Variants in BAZ1A observed in about 807,000 individuals in gnomAD.
The protein encoded by BAZ1A is bromodomain adjacent to zinc finger domain 1A, also known as bromodomain adjacent to zinc finger domain protein 1A.
A neutral mutation model predicts 185.2 loss-of-function variants in BAZ1A; 50 were observed. The ratio of observed to expected loss-of-function variants is 0.27; its 90% CI spans 0.22 to 0.34. The LOEUF is 0.34. Among genes scored for constraint, BAZ1A ranks in the 10% least tolerant of loss-of-function variants. BAZ1A has a pLI of 1.00. For synonymous variants in BAZ1A, 571 were observed against 615.6 expected (o/e 0.93, Z 1.07); for missense variants, 1,356 against 1,839.9 (o/e 0.74, Z 4.81).
At chr14:34,816,899 A>G (rs1241009183) in intron 4 of BAZ1A, 6 of 407,586 alleles carry the variant, frequency 1.5e-5, no homozygotes, top group Non-Finnish European at 2.9e-5. Flanking sequence ...ACCAAATAGT[A>G]AGGATATTTA....
At chr14:34,769,133 G>A (rs1029594138) in intron 21 of BAZ1A, among the ~76,000 whole-genome samples, 1 of 151,990 alleles carries the variant, frequency 6.6e-6, no homozygotes, top group African/African-American at 2.4e-5. Flanking sequence ...GGAGAATTTC[G>A]ATATATATTC....
chr14:34,826,490 A>G (rs1391342468), intron 3 of BAZ1A, among the ~76,000 whole-genome samples: 1 of 152,170 alleles, frequency 6.6e-6, no homozygotes, highest in Non-Finnish European at 1.5e-5. Context: ...GTTTTAATGT[A>G]AGGATTTATA....
chr14:34,845,622 A>T (rs1311194522), intron 3 of BAZ1A, among the ~76,000 whole-genome samples: 1 of 152,164 alleles, frequency 6.6e-6, no homozygotes, highest in South Asian at 2.1e-4. Flanking sequence ...ACACTTTGGG[A>T]GGCCGAGGTG....
intron 3 of BAZ1A, among the ~76,000 whole-genome samples, chr14:34,849,151 G>A (rs1446284744): frequency 6.6e-6 from 1 of 152,190 alleles, no homozygotes; most frequent in African/African-American, 2.4e-5. Context: ...TTAGCCAGGT[G>A]TGGTGGCACA....
chr14:34,770,606 AC>A (rs145953703), intron 21 of BAZ1A, among the ~76,000 whole-genome samples: 1,527 of 152,360 alleles, frequency 0.01, 24 homozygotes, highest in African/African-American at 0.035. Flanking sequence ...TCTCAAAAAA[AC>A]AACAGGGAAT....
chr14:34,836,873 T>G (rs2042339193), intron 3 of BAZ1A, among the ~76,000 whole-genome samples: 1 of 152,020 alleles, frequency 6.6e-6, no homozygotes, highest in African/African-American at 2.4e-5. Flanking sequence ...AAAAGATTGC[T>G]TTGTTTATAA....
chr14:34,802,983 T>C lies in BAZ1A; in HGVS notation c.732A>G (p.Ser244=), dbSNP rs1460666456. ...PQDGVIKIKA[S]SLSTYKIAEQ... ...CTGCTATTTTATACGTTGAAAGAGA[T>C]GATGCCTTAATAAAACAAAGACATA... The change falls in exon 7 of 27, where the codon TCA becomes TCG. Residue 244 remains serine, a synonymous_variant. Coordinates refer to ENST00000360310, the MANE Select transcript of BAZ1A (RefSeq NM_013448.3). The C allele has an allele frequency of 5.6e-6, 9 of 1,610,060 alleles. No individual in the cohort carries two copies. Among genetic ancestry groups the C allele is most frequent in the Non-Finnish European group, 7.6e-6 (9 of 1,176,576 alleles).
In BAZ1A at chr14:34,872,913, TAAAAAAAAAA is replaced by T. The variant is rs35955993; in HGVS notation, c.113+1569_113+1578del. Among the ~76,000 whole-genome samples the T allele has an allele frequency of 6.1e-3, 464 of 76,176 alleles. 4 individuals carry two copies. The highest frequency in any genetic ancestry group is 0.012 in the Middle Eastern group (1 of 82). 50.0% of individuals were successfully genotyped at this position (76,176 alleles called of 152,430 possible). A position where few individuals can be genotyped will look rare whatever the true frequency, so the allele number is the denominator to read the frequency against. ...AGCAAGGCCTGTAGCTTTAAAATCC[TAAAAAAAAAA>T]AAAAAAAAAAAAAAAAAACTTGTCC... On this transcript the variant is annotated intron_variant, in intron 2 of 26. Coordinates refer to ENST00000360310, the MANE Select transcript of BAZ1A (RefSeq NM_013448.3).
intron 2 of BAZ1A, among the ~76,000 whole-genome samples, chr14:34,864,392 C>T (rs1465284887): frequency 2.0e-5 from 3 of 152,170 alleles, no homozygotes; most frequent in Non-Finnish European, 4.4e-5. Flanking sequence ...AATTCACCAC[C>T]TCAGCCTCCC....
intron 4 of BAZ1A, among the ~76,000 whole-genome samples, chr14:34,821,516 A>T (rs1015496289): frequency 9.2e-5 from 14 of 152,246 alleles, no homozygotes; most frequent in African/African-American, 2.9e-4. Flanking sequence ...GAGAACTTTT[A>T]AAAATTAGGG....
chr14:34,817,643 A>T (rs2042027070), intron 4 of BAZ1A, among the ~76,000 whole-genome samples: 1 of 152,220 alleles, frequency 6.6e-6, no homozygotes, highest in Admixed American at 6.5e-5. Flanking sequence ...TAACTCAACA[A>T]CAAAAAGACA....
chr14:34,842,973 A>G (rs2042440795), intron 3 of BAZ1A, among the ~76,000 whole-genome samples: 1 of 152,076 alleles, frequency 6.6e-6, no homozygotes, highest in African/African-American at 2.4e-5. Flanking sequence ...TACGGGAAAA[A>G]AAAAAGGGTA....
At chr14:34,763,496 C>T (rs1878579398) in intron 23 of BAZ1A, among the ~76,000 whole-genome samples, 1 of 151,788 alleles carries the variant, frequency 6.6e-6, no homozygotes, top group Non-Finnish European at 1.5e-5. Flanking sequence ...ATATGACTGG[C>T]TATGGTCAGG....
chr14:34,817,607 AACAAC>A (rs1305281832), intron 4 of BAZ1A, among the ~76,000 whole-genome samples: 1 of 152,140 alleles, frequency 6.6e-6, no homozygotes, highest in Non-Finnish European at 1.5e-5. Context: ...AACAAAACAA[AACAAC>A]AACAAAAAAA....
chr14:34,773,149 A>G (rs748529365), intron 20 of BAZ1A, among the ~76,000 whole-genome samples: 13 of 152,120 alleles, frequency 8.5e-5, no homozygotes, highest in Non-Finnish European at 1.8e-4. Flanking sequence ...GCCTCAAGTG[A>G]TCCTCCTGCT....
At chr14:34,872,265 A>T (rs759089361) in intron 2 of BAZ1A, among the ~76,000 whole-genome samples, 42 of 152,238 alleles carry the variant, frequency 2.8e-4, no homozygotes, top group Non-Finnish European at 2.8e-4. Flanking sequence ...AAATGTTTAA[A>T]TGCCCTAAGA....
chr14:34,831,378 A>G (rs944811481), intron 3 of BAZ1A, among the ~76,000 whole-genome samples: 6 of 152,176 alleles, frequency 3.9e-5, no homozygotes, highest in African/African-American at 1.4e-4. Flanking sequence ...CTTGTCTCCC[A>G]CCATGAAATC....
chr14:34,785,882 G>A lies in BAZ1A; in HGVS notation c.1726C>T (p.Arg576Ter). The A allele has an allele frequency of 6.2e-7, 1 of 1,613,990 alleles. No individual in the cohort carries two copies. Among genetic ancestry groups the A allele is most frequent in the Non-Finnish European group, 8.5e-7 (1 of 1,180,018 alleles). The change falls in exon 14 of 27, where the codon CGA becomes TGA. Residue 576 changes from arginine to a stop codon, truncating the protein, a stop_gained. Transcript: ENST00000360310. LOFTEE classifies it high-confidence loss of function. The part of the protein sequence containing the change: ...SANAKYRYQK[R>*]GGFDATDDAC... Reference sequence around the variant, plus strand: ...TCATCTGTAGCATCAAATCCTCCTCGTTTTTGATATCTATACTTTGCATTT... The same window carrying A: ...TCATCTGTAGCATCAAATCCTCCTCATTTTTGATATCTATACTTTGCATTT...
chr14:34,817,615 C>A (rs959885440), intron 4 of BAZ1A, among the ~76,000 whole-genome samples: 5 of 151,900 alleles, frequency 3.3e-5, no homozygotes, highest in South Asian at 2.1e-4. Flanking sequence ...AAAACAACAA[C>A]AAAAAAACAC....
Sources: allele counts gnomAD v4.1 joint callset (sites outside exome capture counted in the v4.1 genomes callset), GRCh38; gene constraint gnomAD v4.1.1; transcripts MANE v1.5; gene names NCBI Gene and HGNC (gene_info 2026-07-23, HGNC 2026-07-21).